RESF1: variants seen among roughly 807,000 people sequenced by gnomAD.
The protein encoded by RESF1 is gonad expressed transcript.
A neutral mutation model predicts 134.7 loss-of-function variants in RESF1; 65 were observed. That is an observed-to-expected ratio of 0.48 (90% CI 0.40 to 0.59). The LOEUF (loss-of-function observed/expected upper bound fraction) is 0.59, where lower values mean the gene tolerates loss of function less well. Among genes scored for constraint, RESF1 ranks in the 20% least tolerant of loss-of-function variants. RESF1 has a pLI of 0.00. For missense variants in RESF1, 2,274 were observed against 2,002.7 expected, an observed-to-expected ratio of 1.14 and a Z score of -2.59; for synonymous variants, 762 against 702.2, an observed-to-expected ratio of 1.09 and a Z score of -1.35.
chr12:31,967,923 A>G lies in RESF1; in HGVS notation c.-246-2266A>G, dbSNP rs1477861619. Among the ~76,000 whole-genome samples, 10 of 152,294 alleles carry G rather than the reference A, an allele frequency of 6.6e-5. No homozygotes were observed. The South Asian group carries it at 1.9e-3, about 28-fold the overall frequency. Reference sequence around the variant, plus strand: ...GGACCATCTGGGCTTAGAAAAATGGATTCTAGAAAGCCTATTTAAGGACTG... The same window carrying G: ...GGACCATCTGGGCTTAGAAAAATGGGTTCTAGAAAGCCTATTTAAGGACTG... On this transcript the variant is annotated intron_variant, in intron 2 of 5. Coordinates refer to ENST00000312561, the MANE Select transcript of RESF1 (RefSeq NM_018169.4).
intron 3 of RESF1, among the ~76,000 whole-genome samples, chr12:31,979,695 G>GC (rs1282019477): frequency 6.6e-6 from 1 of 151,770 alleles, no homozygotes; most frequent in African/African-American, 2.4e-5. Flanking sequence ...CTACGGGCAT[G>GC]CACCACCATG....
At chr12:31,962,650 T>A (rs1939301899) in intron 2 of RESF1, 1 of 152,260 alleles carries the variant, frequency 6.6e-6, no homozygotes. Flanking sequence ...TGTATCAAAT[T>A]ACAAGGTTTC....
Position 31,985,184 on chromosome 12 carries a change from C to G in RESF1, c.4229C>G (p.Ser1410Cys). 2 of 1,568,262 alleles carry G rather than the reference C, an allele frequency of 1.3e-6. No individual in the cohort carries two copies. The highest frequency in any genetic ancestry group is 1.2e-5 in the South Asian group (1 of 82,162). Residue 1410 changes from serine to cysteine, a missense_variant, in exon 4 of 6, where the codon TCT (serine) becomes TGT (cysteine). Transcript: ENST00000312561. The stretch of plus-strand genomic sequence containing the variant: ...GGAGCTACATTCAAATTAGGTGACT[C>G]TTTGTCAAACCCAAACGAAAGAGCC... ...SVGATFKLGD[S>C]LSNPNERAIV...
chr12:31,991,069 C>T (rs890070348), intron 5 of RESF1, among the ~76,000 whole-genome samples: 5 of 151,976 alleles, frequency 3.3e-5, no homozygotes, highest in African/African-American at 7.3e-5. Flanking sequence ...CATAGTGGTG[C>T]GCACCTGTGG....
intron 3 of RESF1, 100 bp from the exon 4 acceptor site, chr12:31,980,778 T>C (rs1939763686): frequency 5.6e-6 from 3 of 540,350 alleles, no homozygotes; most frequent in Non-Finnish European, 9.6e-6. Flanking sequence ...GAGGCTGCTC[T>C]GAAGATTCAG....
chr12:31,990,666 C>G (rs1468866932), intron 5 of RESF1, among the ~76,000 whole-genome samples: 3 of 152,082 alleles, frequency 2.0e-5, no homozygotes, highest in East Asian at 3.9e-4. Context: ...ATCTTGAACT[C>G]CAACCTCAGT....
At chr12:31,991,197 C>CAA (rs34643110) in intron 5 of RESF1, among the ~76,000 whole-genome samples, 23,312 of 139,192 alleles carry the variant, frequency 0.17, 2,170 homozygotes, top group East Asian at 0.41. Context: ...GACCCTGTCT[C>CAA]AAAAAAAAAA....
intron 5 of RESF1, among the ~76,000 whole-genome samples, chr12:31,991,823 C>T (rs563385488): frequency 6.6e-6 from 1 of 152,298 alleles, no homozygotes; most frequent in East Asian, 1.9e-4. Context: ...GCTGGGATTA[C>T]AGGCGTGAAC....
Position 31,981,020 on chromosome 12 carries a change from CT to C in RESF1, c.71del (p.Leu24CysfsTer5). On this transcript the variant is annotated frameshift_variant, in exon 4 of 6. Transcript: ENST00000312561. LOFTEE classifies it high-confidence loss of function. ...LPPLYPKSQP[P>X]FLHQSLINQI... ...CCACTGTATCCTAAAAGCCAGCCAC[CT>C]TTTTTGCACCAGTCTTTAATAAACC... 1 of 1,613,862 alleles carries C rather than the reference CT, an allele frequency of 6.2e-7. No homozygotes were observed. The highest frequency in any genetic ancestry group is 8.5e-7 in the Non-Finnish European group (1 of 1,179,922).
chr12:31,985,006 A>G lies in RESF1; in HGVS notation c.4051A>G (p.Ser1351Gly). 6.2e-7 allele frequency: 1 copy of G among 1,606,590 alleles called. No individual in the cohort carries two copies. The highest frequency in any genetic ancestry group is 8.5e-7 in the Non-Finnish European group (1 of 1,178,284). Residue 1351 changes from serine (S) to glycine (G), a missense_variant, in exon 4 of 6, where the codon AGT becomes GGT. Transcript: ENST00000312561. The stretch of plus-strand genomic sequence containing the variant: ...AAATAAAGATGTGTATAAGAAGCAT[A>G]GTTCTTTGGGACAGTCATTATCACC... ...LPNKDVYKKHSSLGQSLSPEK... is the reference protein window; with the variant it reads ...LPNKDVYKKHGSLGQSLSPEK...
At chr12:31,974,844 T>C (rs143671417) in intron 3 of RESF1, among the ~76,000 whole-genome samples, 82 of 152,152 alleles carry the variant, frequency 5.4e-4, no homozygotes, top group Non-Finnish European at 1.0e-3. Flanking sequence ...GCTTCCAACC[T>C]TGTGGACTAG....
At position 31,983,226 on chromosome 12, in the gene RESF1, A is replaced by G; in HGVS notation, c.2271A>G (p.Glu757=). ...GTATAAATATAACAAAGGGAACAGA[A>G]CTTCAGATAGCTGTAGTGTCACCGT... ...SSGINITKGT[E]LQIAVVSPLV... is the part of the protein sequence containing the mutation. The change falls in exon 4 of 6, where the codon GAA becomes GAG. Residue 757 remains glutamate, a synonymous_variant. Transcript: ENST00000312561. The G allele has an allele frequency of 1.2e-6, 2 of 1,609,632 alleles. No homozygotes were observed. Among genetic ancestry groups the G allele is most frequent in the African/African-American group, 2.7e-5 (2 of 74,802 alleles).
In RESF1 at chr12:31,981,677, C is replaced by T. The variant is rs1255277097; in HGVS notation, c.722C>T (p.Ser241Leu). 2 of 1,613,766 alleles carry T rather than the reference C, an allele frequency of 1.2e-6. No individual in the cohort carries two copies. The highest frequency in any genetic ancestry group is 3.3e-5 in the Admixed American group (2 of 60,016). Residue 241 changes from serine to leucine, a missense_variant, in exon 4 of 6, where the codon TCA becomes TTA. Transcript: ENST00000312561. Reference protein sequence around the residue: ...IQKQNFIPHTSLQVKNSQLLN... With the variant: ...IQKQNFIPHTLLQVKNSQLLN... ...AAACAAAACTTTATACCACATACAT[C>T]ATTGCAAGTTAAAAATAGTCAGCTT...
chr12:31,983,310 T>G lies in RESF1; in HGVS notation c.2355T>G (p.Pro785=), dbSNP rs1367951724. 1.2e-6 allele frequency: 2 copies of G among 1,614,060 alleles called. No homozygotes were observed. Among genetic ancestry groups the G allele is most frequent in the Admixed American group, 3.3e-5 (2 of 60,026 alleles). Residue 785 remains proline, a synonymous_variant, in exon 4 of 6, where the codon CCT becomes CCG. Transcript: ENST00000312561. The part of the protein sequence containing the change: ...SVKGITPAVL[P]ETVYPVIKEG... ...AAGGAATAACACCTGCAGTGTTACC[T>G]GAAACAGTGTATCCCGTTATTAAAG...
chr12:31,983,582 C>T lies in RESF1; in HGVS notation c.2627C>T (p.Ser876Leu), dbSNP rs1817127259. The stretch of plus-strand genomic sequence containing the variant: ...TCTCCTATGAACGATCAGCAAATCT[C>T]ACAGGAGTCAAGGAATAGTACTGTT... ...IHSPMNDQQI[S>L]QESRNSTVVS... Residue 876 changes from serine to leucine, a missense_variant, in exon 4 of 6, where the codon TCA becomes TTA. Physicochemically the swap from Ser to Leu is moderately radical, Grantham distance 145. Transcript: ENST00000312561. 1 of 1,614,052 alleles carries T rather than the reference C, an allele frequency of 6.2e-7. No homozygotes were observed. The highest frequency in any genetic ancestry group is 8.5e-7 in the Non-Finnish European group (1 of 1,179,962).
chr12:31,972,909 T>C (rs1407518481), intron 3 of RESF1, among the ~76,000 whole-genome samples: 1 of 152,194 alleles, frequency 6.6e-6, no homozygotes, highest in Non-Finnish European at 1.5e-5. Context: ...CGTCTTTTTA[T>C]TCCTTTCTTA....
At chr12:31,962,004 C>CT (rs1939280507) in intron 2 of RESF1, among the ~76,000 whole-genome samples, 2 of 152,172 alleles carry the variant, frequency 1.3e-5, no homozygotes, top group African/African-American at 4.8e-5. Flanking sequence ...AGGCAGATCA[C>CT]TTGAGGCCAG....
chr12:31,989,503 A>C lies in RESF1; in HGVS notation c.5086+2181A>C, dbSNP rs1940052242. ...ATAAGAAGCACATTTTATAAAAGGA[A>C]TTGACAACGGTTGTGAAGAGAGCTT... On this transcript the variant is annotated intron_variant, in intron 5 of 5. Coordinates refer to ENST00000312561, the MANE Select transcript of RESF1 (RefSeq NM_018169.4). Among the ~76,000 whole-genome samples the C allele has an allele frequency of 2.0e-5, 3 of 152,170 alleles. No individual in the cohort carries two copies. In the East Asian group the frequency reaches 5.8e-4, roughly 30 times the overall value.
At position 31,983,160 on chromosome 12, in the gene RESF1, G is replaced by A; in HGVS notation, c.2205G>A (p.Gln735=). The change falls in exon 4 of 6, where the codon CAG becomes CAA. Residue 735 remains glutamine, a synonymous_variant. Coordinates refer to ENST00000312561, the MANE Select transcript of RESF1 (RefSeq NM_018169.4). ...SQNKISNPSQ[Q]TALSMVMHNY... ...ATAAAATAAGTAATCCCTCACAGCA[G>A]ACAGCTTTGTCGATGGTAATGCACA... 1 of 1,611,610 alleles carries A rather than the reference G, an allele frequency of 6.2e-7. No individual in the cohort carries two copies. The highest frequency in any genetic ancestry group is 8.5e-7 in the Non-Finnish European group (1 of 1,179,164).
Sources: allele counts gnomAD v4.1 joint callset (sites outside exome capture counted in the v4.1 genomes callset), GRCh38; gene constraint gnomAD v4.1.1; transcripts MANE v1.5; gene names NCBI Gene and HGNC (gene_info 2026-07-23, HGNC 2026-07-21).